The following ADAMTS2 variants were observed in gnomAD, a reference collection of about 807,000 sequenced individuals.
ADAMTS2 encodes the protein A disintegrin and metalloproteinase with thrombospondin motifs 2.
ADAMTS2 carries 50 observed loss-of-function variants against 123.0 expected under a neutral mutation model. The ratio of observed to expected loss-of-function variants is 0.41; its 90% CI spans 0.32 to 0.51. ADAMTS2 has a LOEUF of 0.51. Among genes scored for constraint, ADAMTS2 ranks in the 20% least tolerant of loss-of-function variants. The pLI is 0.35. For missense variants in ADAMTS2, 1,494 were observed against 1,705.2 expected, an observed-to-expected ratio of 0.88 and a Z score of 2.18; for synonymous variants, 678 against 695.4, an observed-to-expected ratio of 0.98 and a Z score of 0.39.
At chr5:179,337,063 C>T (rs187458453) in intron 2 of ADAMTS2, among the ~76,000 whole-genome samples, 4 of 152,306 alleles carry the variant, frequency 2.6e-5, no homozygotes, top group African/African-American at 7.2e-5. Flanking sequence ...GCTCCGGGCT[C>T]GGTAATAACT....
chr5:179,192,561 G>A (rs981130930), intron 4 of ADAMTS2, among the ~76,000 whole-genome samples: 3 of 152,218 alleles, frequency 2.0e-5, no homozygotes, highest in African/African-American at 2.4e-5. Flanking sequence ...AAGAGGGGCC[G>A]AATTATTGGA....
At chr5:179,159,734 T>C (rs1211789835) in intron 5 of ADAMTS2, among the ~76,000 whole-genome samples, 3 of 152,136 alleles carry the variant, frequency 2.0e-5, no homozygotes, top group African/African-American at 7.2e-5. Context: ...AAACTGAGAC[T>C]CAGAGAAGTT....
intron 3 of ADAMTS2, among the ~76,000 whole-genome samples, chr5:179,265,881 C>T (rs1437354585): frequency 6.6e-6 from 1 of 152,240 alleles, no homozygotes; most frequent in Non-Finnish European, 1.5e-5. Context: ...TTCCCGGGGC[C>T]TGGGCTGCAG....
chr5:179,318,796 T>C (rs1757074958), intron 2 of ADAMTS2, among the ~76,000 whole-genome samples: 1 of 151,242 alleles, frequency 6.6e-6, no homozygotes, highest in Non-Finnish European at 1.5e-5. Flanking sequence ...CGTTGAGACG[T>C]TGGGGCCTGG....
chr5:179,264,678 A>G (rs1766316540), intron 3 of ADAMTS2, among the ~76,000 whole-genome samples: 1 of 152,236 alleles, frequency 6.6e-6, no homozygotes, highest in Non-Finnish European at 1.5e-5. Flanking sequence ...GAAGATGGCG[A>G]GGCAGAGGAG....
At chr5:179,267,900 C>T (rs1451504045) in intron 3 of ADAMTS2, among the ~76,000 whole-genome samples, 1 of 152,198 alleles carries the variant, frequency 6.6e-6, no homozygotes. Context: ...AGTGACTCCC[C>T]AGACCCCTGA....
chr5:179,114,288 C>A lies in ADAMTS2; in HGVS notation c.3215G>T (p.Arg1072Met). ...HCQGDKSIFC[R>M]MEVLSRYCSI... is the part of the protein sequence containing the mutation. ...GCAATAGCGGGACAAGACTTCCATCCTACAGAATATTGACTTGTCGCCTTG... is the reference window on the plus strand; with the variant it reads ...GCAATAGCGGGACAAGACTTCCATCATACAGAATATTGACTTGTCGCCTTG... The change falls in exon 22 of 22, where the codon AGG (arginine) becomes ATG (methionine). Residue 1072 changes from arginine (R) to methionine (M), a missense_variant. Physicochemically the swap from Arg to Met is moderately conservative, Grantham distance 91 (BLOSUM62 -1). Transcript: ENST00000251582. 1 of 1,614,106 alleles carries A rather than the reference C, an allele frequency of 6.2e-7. No homozygotes were observed. Among genetic ancestry groups the A allele is most frequent in the Non-Finnish European group, 8.5e-7 (1 of 1,180,022 alleles).
intron 10 of ADAMTS2, among the ~76,000 whole-genome samples, chr5:179,148,111 C>T (rs113648634): frequency 3.9e-5 from 6 of 152,208 alleles, no homozygotes; most frequent in East Asian, 1.9e-4. Context: ...ATCAAAGACT[C>T]GGTACGACTG....
intron 3 of ADAMTS2, among the ~76,000 whole-genome samples, chr5:179,227,651 A>C (rs1183766757): frequency 6.6e-6 from 1 of 152,068 alleles, no homozygotes; most frequent in Non-Finnish European, 1.5e-5. Context: ...ACAGAGAGGG[A>C]ACCTGACGCT....
intron 3 of ADAMTS2, among the ~76,000 whole-genome samples, chr5:179,212,486 G>A (rs1367108063): frequency 1.4e-5 from 2 of 147,364 alleles, no homozygotes; most frequent in South Asian, 2.2e-4. Context: ...CTGAGGGCGG[G>A]TGCAGTGGGC....
intron 19 of ADAMTS2, among the ~76,000 whole-genome samples, chr5:179,123,803 T>C (rs1030347240): frequency 6.6e-6 from 1 of 152,144 alleles, no homozygotes; most frequent in African/African-American, 2.4e-5. Context: ...CTATTAAGAG[T>C]GTTTTTGCCT....
rs1756904851 is a variant in ADAMTS2, at chr5:179,314,022, CCAGGACCAGGAGTTCCCAGG to C, written c.534+29725_534+29744del. 6.6e-6 allele frequency among the ~76,000 whole-genome samples: 1 copy of C among 151,774 alleles called. No homozygotes were observed. Among genetic ancestry groups the C allele is most frequent in the East Asian group, 1.9e-4 (1 of 5,176 alleles). On this transcript the variant is annotated intron_variant, in intron 2 of 21. Transcript: ENST00000251582. The surrounding 1 kb of genome is among the most constrained non-coding windows in gnomAD (Gnocchi z 4.5). ...CCTGGCCGGAGCAGGGGTGTCAGCT[CCAGGACCAGGAGTTCCCAGG>C]CAGAACCTGATGGTGGGGCGGGGGG...
chr5:179,129,880 C>A lies in ADAMTS2; in HGVS notation c.2457+52G>T. The A allele has an allele frequency of 6.2e-7, 1 of 1,608,390 alleles. No homozygotes were observed. Among genetic ancestry groups the A allele is most frequent in the African/African-American group, 1.3e-5 (1 of 74,982 alleles). On this transcript the variant is annotated intron_variant, in intron 16 of 21. Transcript: ENST00000251582. The surrounding 1 kb of genome is among the most constrained non-coding windows in gnomAD (Gnocchi z 4.1). ...CAGCGTCCCAGGCACCCCCATCCCT[C>A]CCCCAGTGGCCACCCGCACCCTTCC...
rs768609448 is a variant in ADAMTS2 at position 179,126,181 on chromosome 5, A to C, written c.2618-51T>G. Reference sequence around the variant, plus strand: ...TCGGTGGGGCAGCATGCCCTGCCCGAGGGTGCAAGGAGGGGTGGGCTGCAC... The same window carrying C: ...TCGGTGGGGCAGCATGCCCTGCCCGCGGGTGCAAGGAGGGGTGGGCTGCAC... On this transcript the variant is annotated intron_variant, in intron 17 of 21. Coordinates refer to ENST00000251582, the MANE Select transcript of ADAMTS2 (RefSeq NM_014244.5). 5.6e-6 allele frequency: 9 copies of C among 1,611,092 alleles called. No individual in the cohort carries two copies. The East Asian group carries it at 1.8e-4, about 32-fold the overall frequency.
chr5:179,298,246 T>C (rs28515736), intron 2 of ADAMTS2, among the ~76,000 whole-genome samples: 98 of 152,124 alleles, frequency 6.4e-4, no homozygotes, highest in African/African-American at 2.2e-3. Flanking sequence ...CTCCTAACTC[T>C]GTGGCAGGCC....
rs917212482 is a variant in ADAMTS2, at chr5:179,256,052, G to T, written c.688+16859C>A. Among the ~76,000 whole-genome samples the T allele has an allele frequency of 1.3e-5, 2 of 152,146 alleles. No individual in the cohort carries two copies. Among genetic ancestry groups the T allele is most frequent in the Non-Finnish European group, 2.9e-5 (2 of 68,038 alleles). On this transcript the variant is annotated intron_variant, in intron 3 of 21. Coordinates refer to ENST00000251582, the MANE Select transcript of ADAMTS2 (RefSeq NM_014244.5). This position sits in a 1 kb window ranked among gnomAD's most constrained non-coding sequence, Gnocchi z 4.1. Reference sequence around the variant, plus strand: ...TCCTTCTCTGTCCCCAGCCTCTCCCGCAGCTTGGCCTTGGTCCACCGTGGA... The same window carrying T: ...TCCTTCTCTGTCCCCAGCCTCTCCCTCAGCTTGGCCTTGGTCCACCGTGGA...
At position 179,162,521 on chromosome 5, in the gene ADAMTS2, G is replaced by A. The variant is rs577971223; in HGVS notation, c.976-3642C>T. Among the ~76,000 whole-genome samples, 7 of 152,270 alleles carry A rather than the reference G, an allele frequency of 4.6e-5. No individual in the cohort carries two copies. The highest frequency in any genetic ancestry group is 1.9e-4 in the East Asian group (1 of 5,156). On this transcript the variant is annotated intron_variant, in intron 5 of 21. Transcript: ENST00000251582. The surrounding 1 kb of genome is among the most constrained non-coding windows in gnomAD (Gnocchi z 5.1). ...CTCCCAGGCTCATTCAGGTGGTCACGGCGGGCCCCAGCTGAGCTGTTGCAC... is the reference window on the plus strand; with the variant it reads ...CTCCCAGGCTCATTCAGGTGGTCACAGCGGGCCCCAGCTGAGCTGTTGCAC...
At chr5:179,235,495 G>A (rs996242819) in intron 3 of ADAMTS2, among the ~76,000 whole-genome samples, 11 of 152,180 alleles carry the variant, frequency 7.2e-5, no homozygotes, top group African/African-American at 2.2e-4. Context: ...ACCCCAAATC[G>A]AATGAGCGAG....
Position 179,228,261 on chromosome 5 carries a change from C to T in ADAMTS2, c.689-20546G>A, listed in dbSNP as rs888182727. ...GTCCTGATCTGAAAAGTAGGCATAA[C>T]GATGCTGGCCACAGCCCACAAGTAA... On this transcript the variant is annotated intron_variant, in intron 3 of 21. Coordinates refer to ENST00000251582, the MANE Select transcript of ADAMTS2 (RefSeq NM_014244.5). This position sits in a 1 kb window ranked among gnomAD's most constrained non-coding sequence, Gnocchi z 5.2. Among the ~76,000 whole-genome samples the T allele has an allele frequency of 1.3e-5, 2 of 152,174 alleles. No homozygotes were observed. The highest frequency in any genetic ancestry group is 2.9e-5 in the Non-Finnish European group (2 of 68,024).
Sources: allele counts gnomAD v4.1 joint callset (sites outside exome capture counted in the v4.1 genomes callset), GRCh38; gene constraint gnomAD v4.1.1; non-coding constraint Gnocchi (gnomAD v3.1); transcripts MANE v1.5; gene names NCBI Gene and HGNC (gene_info 2026-07-23, HGNC 2026-07-21).